TRA2B: variants seen among roughly 807,000 people sequenced by gnomAD.
TRA2B encodes the protein transformer-2 protein homolog beta.
In TRA2B, 14 loss-of-function variants were observed where a neutral mutation model predicts 41.7. The observed-to-expected ratio is 0.34, with a 90% confidence interval of 0.22 to 0.53. The LOEUF is 0.53. TRA2B is among the 20% of genes least tolerant of loss of function. TRA2B has a pLI of 0.95. For missense variants in TRA2B, 167 were observed against 396.8 expected (o/e 0.42, Z 4.92); for synonymous variants, 130 against 128.8 (o/e 1.01, Z -0.06).
At chr3:185,927,162 T>A (rs1238768906) in intron 1 of TRA2B, 4 of 152,230 alleles carry the variant, frequency 2.6e-5, no homozygotes, top group Non-Finnish European at 5.9e-5. Flanking sequence ...ATAATTTACT[T>A]AAAAAAATGC....
intron 1 of TRA2B, chr3:185,934,355 A>AG (rs1744266119): frequency 1.0e-6 from 1 of 985,400 alleles, no homozygotes; most frequent in Non-Finnish European, 1.2e-6. Context: ...ACGCTATGTA[A>AG]GGCAAATCCC....
chr3:185,932,994 GTTTA>G (rs1744208149), intron 1 of TRA2B, among the ~76,000 whole-genome samples: 1 of 152,118 alleles, frequency 6.6e-6, no homozygotes, highest in South Asian at 2.1e-4. Context: ...GTCAATTATT[GTTTA>G]TTTAATCCGA....
chr3:185,926,469 T>TA (rs1373105141), intron 2 of TRA2B, 132 bp downstream of exon 2: 1 of 1,212,044 alleles, frequency 8.3e-7, no homozygotes, highest in Non-Finnish European at 1.1e-6. Flanking sequence ...TCCCAGAACT[T>TA]AAGTTCACTT....
chr3:185,932,684 A>G (rs1247851550), intron 1 of TRA2B, among the ~76,000 whole-genome samples: 1 of 152,208 alleles, frequency 6.6e-6, no homozygotes, highest in Non-Finnish European at 1.5e-5. Flanking sequence ...TCCTCAAATA[A>G]TTAAAAAGAT....
intron 3 of TRA2B, 176 bp downstream of exon 3, chr3:185,925,288 A>T: frequency 1.4e-6 from 1 of 700,244 alleles, no homozygotes. Context: ...AGGCAGCCCA[A>T]ATGCAGACCC....
chr3:185,937,448 CCCAGCCCG>C, intron 1 of TRA2B: 1 of 1,042,324 alleles, frequency 9.6e-7, no homozygotes, highest in Non-Finnish European at 1.2e-6. Context: ...TGGCAGCTCG[CCCAGCCCG>C]CCAGCCCAAG....
chr3:185,926,232 A>G (rs1301664437), intron 2 of TRA2B, among the ~76,000 whole-genome samples: 1 of 151,928 alleles, frequency 6.6e-6, no homozygotes, highest in Non-Finnish European at 1.5e-5. Flanking sequence ...CTTATTTATC[A>G]AGAATTCTAA....
At chr3:185,921,512 C>A (rs1398971848) in intron 5 of TRA2B, among the ~76,000 whole-genome samples, 1 of 152,206 alleles carries the variant, frequency 6.6e-6, no homozygotes, top group African/African-American at 2.4e-5. Flanking sequence ...CGCCTGTAAT[C>A]CCAGCTCTTT....
chr3:185,924,018 AGTT>A, intron 3 of TRA2B, 34 bp from the exon 4 acceptor site: 7 of 1,568,050 alleles, frequency 4.5e-6, no homozygotes, highest in Non-Finnish European at 6.0e-6. Flanking sequence ...ACTTTGGAAA[AGTT>A]GTCATAAAAT....
intron 1 of TRA2B, chr3:185,931,533 G>A: frequency 1.8e-6 from 2 of 1,135,226 alleles, no homozygotes; most frequent in Non-Finnish European, 2.2e-6. Flanking sequence ...ATGCATGCAT[G>A]TTTAGCAAAA....
Position 185,917,553 on chromosome 3 carries a change from T to C in TRA2B, c.*162A>G. ...AGCACCAAACTACACAAATGCAGAA[T>C]GAAAACAGCATTTCAACTCCACCAA... On this transcript the variant is annotated 3_prime_UTR_variant, in exon 9 of 9. Transcript: ENST00000453386. 1 of 618,978 alleles carries C rather than the reference T, an allele frequency of 1.6e-6. No homozygotes were observed. The highest frequency in any genetic ancestry group is 1.9e-5 in the African/African-American group (1 of 52,976). 38.3% of individuals were successfully genotyped at this position (618,978 alleles called of 1,614,324 possible). A position where few individuals can be genotyped will look rare whatever the true frequency, so the allele number is the denominator to read the frequency against.
chr3:185,919,369 T>C, intron 7 of TRA2B, 68 bp downstream of exon 7: 1 of 1,354,948 alleles, frequency 7.4e-7, no homozygotes. Context: ...ACCAAAACAT[T>C]ACTAGGCAAA....
intron 1 of TRA2B, among the ~76,000 whole-genome samples, chr3:185,932,012 G>C (rs1744166905): frequency 6.7e-6 from 1 of 150,136 alleles, no homozygotes; most frequent in African/African-American, 2.4e-5. Flanking sequence ...AAACTACATA[G>C]TTTTCTGCTG....
At chr3:185,936,677 T>C in intron 1 of TRA2B, 3 of 534,730 alleles carry the variant, frequency 5.6e-6, no homozygotes, top group Non-Finnish European at 6.6e-6. Flanking sequence ...TAACAAATTG[T>C]TTTTTTTTTT....
chr3:185,935,872 G>A, intron 1 of TRA2B: 5 of 985,252 alleles, frequency 5.1e-6, no homozygotes, highest in Non-Finnish European at 6.0e-6. Flanking sequence ...AGAGATCTCG[G>A]CCAGAAAGCG....
At chr3:185,935,755 C>T in intron 1 of TRA2B, 1 of 985,408 alleles carries the variant, frequency 1.0e-6, no homozygotes, top group Non-Finnish European at 1.2e-6. Flanking sequence ...GAAGCCTAGA[C>T]ACGTGTTTGA....
At chr3:185,925,402 C>CT (rs1359574183) in intron 3 of TRA2B, 62 bp downstream of exon 3, 2 of 1,576,762 alleles carry the variant, frequency 1.3e-6, no homozygotes, top group African/African-American at 2.7e-5. Context: ...AAAATCAGCT[C>CT]TAACTTTAAG....
At chr3:185,920,890 C>T (rs1743707462) in intron 6 of TRA2B, among the ~76,000 whole-genome samples, 1 of 152,070 alleles carries the variant, frequency 6.6e-6, no homozygotes, top group Admixed American at 6.5e-5. Context: ...TCATTTAAAT[C>T]CCATTTATAT....
intron 1 of TRA2B, chr3:185,937,507 A>G (rs901071425): frequency 6.7e-6 from 7 of 1,046,606 alleles, no homozygotes; most frequent in African/African-American, 5.0e-5. Flanking sequence ...ACGCCGAAAT[A>G]AGATATCGCT....
Sources: allele counts gnomAD v4.1 joint callset (sites outside exome capture counted in the v4.1 genomes callset), GRCh38; gene constraint gnomAD v4.1.1; transcripts MANE v1.5; gene names NCBI Gene and HGNC (gene_info 2026-07-23, HGNC 2026-07-21).